FBXW4: variants seen among roughly 807,000 people sequenced by gnomAD.
FBXW4 encodes F-box/WD repeat-containing protein 4.
In FBXW4, 40 loss-of-function variants were observed where a neutral mutation model predicts 61.8. The observed-to-expected ratio is 0.65, with a 90% CI of 0.50 to 0.84. The LOEUF (loss-of-function observed/expected upper bound fraction) is 0.84, where lower values mean the gene tolerates loss of function less well. Ranked by LOEUF, FBXW4 falls within the 40% of genes least tolerant of loss-of-function variation. The pLI, the probability that FBXW4 is intolerant of heterozygous loss-of-function variation, is 0.00. For synonymous variants in FBXW4, 311 were observed against 313.8 expected (o/e 0.99, Z 0.10); for missense variants, 672 against 753.8 (o/e 0.89, Z 1.27).
intron 5 of FBXW4, among the ~76,000 whole-genome samples, chr10:101,643,166 A>T (rs932860392): frequency 6.6e-6 from 1 of 152,218 alleles, no homozygotes; most frequent in East Asian, 1.9e-4. Context: ...CTGAGTCTCC[A>T]CACCTCACCT....
chr10:101,681,204 A>T (rs2064470910), intron 1 of FBXW4, among the ~76,000 whole-genome samples: 1 of 151,394 alleles, frequency 6.6e-6, no homozygotes, highest in Non-Finnish European at 1.5e-5. Flanking sequence ...CCTGGCCAAC[A>T]TGGTGAAACC....
intron 5 of FBXW4, among the ~76,000 whole-genome samples, chr10:101,662,827 A>G (rs1194577375): frequency 6.6e-6 from 1 of 152,134 alleles, no homozygotes; most frequent in Non-Finnish European, 1.5e-5. Context: ...GGGGACCCTG[A>G]AAGCTGAAGA....
chr10:101,668,380 T>C lies in FBXW4; in HGVS notation c.1141-400A>G, dbSNP rs532666960. Among the ~76,000 whole-genome samples the C allele has an allele frequency of 1.2e-4, 18 of 151,876 alleles. No homozygotes were observed. The South Asian group carries it at 3.3e-3, about 28-fold the overall frequency. On this transcript the variant is annotated intron_variant, in intron 4 of 8. Transcript: ENST00000331272. Reference sequence around the variant, plus strand: ...TCACCAAGATTTTACTTTGGAGAAGTAGGGAGAGGGAAGAAGATCAAGGCA... The same window carrying C: ...TCACCAAGATTTTACTTTGGAGAAGCAGGGAGAGGGAAGAAGATCAAGGCA...
chr10:101,684,124 C>A (rs1046160344), intron 1 of FBXW4, among the ~76,000 whole-genome samples: 2 of 151,872 alleles, frequency 1.3e-5, no homozygotes, highest in African/African-American at 4.8e-5. Context: ...CCACTCCTAC[C>A]CAGCTAATTT....
chr10:101,628,567 A>G (rs1312617281), intron 5 of FBXW4, among the ~76,000 whole-genome samples: 5 of 152,214 alleles, frequency 3.3e-5, no homozygotes, highest in African/African-American at 1.2e-4. Flanking sequence ...CAGCTGGGAA[A>G]GCTAGTCATG....
chr10:101,666,482 GT>G (rs1291977567), intron 5 of FBXW4, among the ~76,000 whole-genome samples: 2 of 152,160 alleles, frequency 1.3e-5, no homozygotes, highest in Admixed American at 1.3e-4. Flanking sequence ...GCTCCATGGG[GT>G]GAGGAGAAAG....
At chr10:101,629,868 C>T (rs941462044) in intron 5 of FBXW4, among the ~76,000 whole-genome samples, 11 of 152,118 alleles carry the variant, frequency 7.2e-5, no homozygotes, top group South Asian at 2.1e-4. Flanking sequence ...GAACAAATGA[C>T]TCCACCTGGA....
chr10:101,661,494 C>T (rs1345143761), intron 5 of FBXW4, among the ~76,000 whole-genome samples: 1 of 152,174 alleles, frequency 6.6e-6, no homozygotes, highest in African/African-American at 2.4e-5. Flanking sequence ...GACCTGACTC[C>T]AAATCAATGA....
At chr10:101,691,461 C>G (rs1311013937) in intron 1 of FBXW4, among the ~76,000 whole-genome samples, 1 of 152,152 alleles carries the variant, frequency 6.6e-6, no homozygotes, top group African/African-American at 2.4e-5. Context: ...GCCAGGACAC[C>G]TTACCCTAGG....
rs1361857026 is a variant in FBXW4, at chr10:101,695,017, C to T, written c.89G>A (p.Arg30Lys). ...GGEARKLQEG[R>K]VARGKRRKGK... ...CTTCCTTCGCTTCCCCCTCGCCACC[C>T]TCCCTTCCTGCAGCTTCCTCGCCTC... Residue 30 changes from arginine (R) to lysine (K), a missense_variant, in exon 1 of 9, where the codon AGG becomes AAG. Physicochemically the swap from Arg to Lys is conservative, Grantham distance 26. Transcript: ENST00000331272. The surrounding 1 kb of genome is among the most constrained non-coding windows in gnomAD (Gnocchi z 4.2). The T allele has an allele frequency of 2.8e-6, 3 of 1,072,258 alleles. No individual in the cohort carries two copies. Among genetic ancestry groups the T allele is most frequent in the Non-Finnish European group, 3.4e-6 (3 of 885,542 alleles). The allele number at this position is 1,072,258 out of a possible 1,614,324, so 66.4% of individuals were successfully genotyped here. A position where few individuals can be genotyped will look rare whatever the true frequency, so the allele number is the denominator to read the frequency against.
intron 4 of FBXW4, among the ~76,000 whole-genome samples, chr10:101,671,989 T>A (rs1320885400): frequency 2.0e-5 from 3 of 152,220 alleles, no homozygotes; most frequent in Admixed American, 2.0e-4. Flanking sequence ...TATGGAGGTG[T>A]AATCACCAGA....
chr10:101,667,751 G>A, intron 5 of FBXW4, 135 bp downstream of exon 5: 1 of 735,130 alleles, frequency 1.4e-6, no homozygotes, highest in Non-Finnish European at 2.4e-6. Context: ...ATCTCTGGAG[G>A]ATTAAAAAAT....
intron 5 of FBXW4, among the ~76,000 whole-genome samples, chr10:101,631,923 A>G (rs910407408): frequency 3.3e-5 from 5 of 152,264 alleles, no homozygotes; most frequent in South Asian, 2.1e-4. Flanking sequence ...CACCGTGCCC[A>G]GCCATTATTT....
Position 101,611,494 on chromosome 10 carries a change from G to A in FBXW4, c.1585-84C>T. 6.4e-7 allele frequency: 1 copy of A among 1,570,698 alleles called. No homozygotes were observed. Among genetic ancestry groups the A allele is most frequent in the Non-Finnish European group, 8.7e-7 (1 of 1,154,988 alleles). On this transcript the variant is annotated intron_variant, in intron 8 of 8. Coordinates refer to ENST00000331272, the MANE Select transcript of FBXW4 (RefSeq NM_022039.4). The surrounding 1 kb of genome is among the most constrained non-coding windows in gnomAD (Gnocchi z 4.9). ...TAACCCAGGATCCCCAGGCCCAGGG[G>A]AAGAGGGACGTGTGCCATTGTAGGC...
intron 5 of FBXW4, among the ~76,000 whole-genome samples, chr10:101,654,444 C>T (rs2134865622): frequency 6.6e-6 from 1 of 152,014 alleles, no homozygotes; most frequent in Middle Eastern, 3.4e-3. Flanking sequence ...GTCTATATAT[C>T]CTTAATTTTA....
At chr10:101,622,189 C>T (rs2063872174) in intron 6 of FBXW4, among the ~76,000 whole-genome samples, 1 of 150,672 alleles carries the variant, frequency 6.6e-6, no homozygotes, top group East Asian at 1.9e-4. Flanking sequence ...CTAATGCTTT[C>T]CTACAGAGAT....
rs542487271 is a variant in FBXW4 at position 101,619,855 on chromosome 10, T to A, written c.1301+4890A>T. ...ATGGAATGAGGGGCTGAGGGAACAA[T>A]GGTGACCCTGAAAGGGGTCCAGGTT... On this transcript the variant is annotated intron_variant, in intron 6 of 8. Coordinates refer to ENST00000331272, the MANE Select transcript of FBXW4 (RefSeq NM_022039.4). 9.9e-5 allele frequency among the ~76,000 whole-genome samples: 15 copies of A among 152,106 alleles called. No individual in the cohort carries two copies. The South Asian group carries it at 3.1e-3, about 32-fold the overall frequency.
intron 5 of FBXW4, among the ~76,000 whole-genome samples, chr10:101,642,962 G>A (rs1053786186): frequency 6.6e-6 from 1 of 152,108 alleles, no homozygotes; most frequent in African/African-American, 2.4e-5. Context: ...GACTACTGAT[G>A]CACAGGTCAA....
chr10:101,636,236 T>C lies in FBXW4; in HGVS notation c.1236-11426A>G, dbSNP rs148687722. Reference sequence around the variant, plus strand: ...GCTGGGGGTGGTGGCGTGCACCACCTAACTACTCAGGAGGCTGAGACAGGA... The same window carrying C: ...GCTGGGGGTGGTGGCGTGCACCACCCAACTACTCAGGAGGCTGAGACAGGA... On this transcript the variant is annotated intron_variant, in intron 5 of 8. Coordinates refer to ENST00000331272, the MANE Select transcript of FBXW4 (RefSeq NM_022039.4). Among the ~76,000 whole-genome samples, 34 of 151,808 alleles carry C rather than the reference T, an allele frequency of 2.2e-4. 1 individual carries two copies. In the East Asian group the frequency reaches 6.2e-3, roughly 28 times the overall value.
Sources: allele counts gnomAD v4.1 joint callset (sites outside exome capture counted in the v4.1 genomes callset), GRCh38; gene constraint gnomAD v4.1.1; non-coding constraint Gnocchi (gnomAD v3.1); transcripts MANE v1.5; gene names NCBI Gene and HGNC (gene_info 2026-07-23, HGNC 2026-07-21).